CDK11A: variants seen among roughly 807,000 people sequenced by gnomAD.
The protein encoded by CDK11A is cyclin dependent kinase 11A.
In CDK11A, 55 loss-of-function variants were observed where a neutral mutation model predicts 83.6. The ratio of observed to expected loss-of-function variants is 0.66; its 90% CI spans 0.53 to 0.82. The LOEUF is 0.82. Among genes scored for constraint, CDK11A ranks in the 40% least tolerant of loss-of-function variants. The pLI, the probability that CDK11A is intolerant of heterozygous loss-of-function variation, is 0.00. For missense variants in CDK11A, 564 were observed against 810.1 expected, an observed-to-expected ratio of 0.70 and a Z score of 3.69; for synonymous variants, 247 against 302.7, an observed-to-expected ratio of 0.82 and a Z score of 1.91.
At chr1:1,718,512 G>A (rs563932083) in intron 4 of CDK11A, among the ~76,000 whole-genome samples, 1 of 149,176 alleles carries the variant, frequency 6.7e-6, no homozygotes, top group East Asian at 2.0e-4. Context: ...ATACACGCAC[G>A]CTTTCAGCTA....
At chr1:1,712,212 G>A in intron 6 of CDK11A, 52 bp downstream of exon 6, 1 of 1,411,776 alleles carries the variant, frequency 7.1e-7, no homozygotes, top group Non-Finnish European at 9.4e-7. Flanking sequence ...CCAGCACCAG[G>A]GGGCAGCAGA....
In CDK11A at chr1:1,715,582, C is replaced by G. The variant is rs1422740292; in HGVS notation, c.488+764G>C. On this transcript the variant is annotated intron_variant, in intron 5 of 19. Coordinates refer to ENST00000404249, the MANE Select transcript of CDK11A (RefSeq NM_024011.4). ...CTTGACCCCTGGGCCTCAGTGTCTC[C>G]CACACCCTTCGGCATCAACAAGAAC... 6.1e-5 allele frequency among the ~76,000 whole-genome samples: 9 copies of G among 148,754 alleles called. No individual in the cohort carries two copies. In the Admixed American group the frequency reaches 6.1e-4, roughly 10 times the overall value.
At chr1:1,718,594 T>C (rs61777470) in intron 4 of CDK11A, among the ~76,000 whole-genome samples, 118,740 of 147,738 alleles carry the variant, frequency 0.8, 50,301 homozygotes, top group Non-Finnish European at 0.93. Flanking sequence ...TCTATAGCCA[T>C]TCTGAACGGT....
At chr1:1,722,302 C>T (rs1644935502) in intron 2 of CDK11A, among the ~76,000 whole-genome samples, 1 of 150,536 alleles carries the variant, frequency 6.6e-6, no homozygotes, top group South Asian at 2.1e-4. Flanking sequence ...TTGCCAATGC[C>T]TCTTACCAAA....
chr1:1,717,726 T>G (rs1411945124), intron 4 of CDK11A, among the ~76,000 whole-genome samples: 1 of 137,558 alleles, frequency 7.3e-6, no homozygotes, highest in Admixed American at 7.7e-5. Context: ...TGGAGTATCC[T>G]CTCTATAGCC....
chr1:1,721,806 T>A lies in CDK11A; in HGVS notation c.112-95A>T, dbSNP rs185839325. On this transcript the variant is annotated intron_variant, in intron 2 of 19. Coordinates refer to ENST00000404249, the MANE Select transcript of CDK11A (RefSeq NM_024011.4). The stretch of plus-strand genomic sequence containing the variant: ...TAATGATAATCAAACCTGGGCAACA[T>A]CCCAAAACAAACTTTCACATGTACT... 1.8e-5 allele frequency: 26 copies of A among 1,407,204 alleles called. 1 individual carries two copies. The Admixed American group carries it at 4.5e-4, about 25-fold the overall frequency. 87.2% of individuals were successfully genotyped at this position (1,407,204 alleles called of 1,614,324 possible). A position where few individuals can be genotyped will look rare whatever the true frequency, so the allele number is the denominator to read the frequency against.
intron 17 of CDK11A, 88 bp from the exon 18 acceptor site, chr1:1,703,712 G>A: frequency 6.5e-7 from 1 of 1,538,222 alleles, no homozygotes; most frequent in Middle Eastern, 1.7e-4. Context: ...GCCACCAGGA[G>A]GGCTCTCAGT....
chr1:1,704,692 A>G (rs1475544051), intron 13 of CDK11A, 37 bp from the exon 14 acceptor site: 3 of 1,595,526 alleles, frequency 1.9e-6, no homozygotes, highest in Non-Finnish European at 2.6e-6. Context: ...GGGCACCTCC[A>G]GGCCCCCACC....
intron 6 of CDK11A, among the ~76,000 whole-genome samples, chr1:1,710,764 A>G (rs1269953445): frequency 6.9e-6 from 1 of 145,202 alleles, no homozygotes; most frequent in Non-Finnish European, 1.5e-5. Flanking sequence ...CGTGAACACG[A>G]CGGAAATATC....
intron 11 of CDK11A, among the ~76,000 whole-genome samples, chr1:1,706,972 G>A (rs1384650303): frequency 7.0e-6 from 1 of 142,240 alleles, no homozygotes; most frequent in East Asian, 2.0e-4. Flanking sequence ...TGAGCAAAAG[G>A]CTTCTGGTCA....
At chr1:1,707,870 G>A (rs1467996557) in intron 10 of CDK11A, among the ~76,000 whole-genome samples, 4 of 136,958 alleles carry the variant, frequency 2.9e-5, no homozygotes, top group Admixed American at 1.4e-4. Flanking sequence ...ACTGCCTGTC[G>A]GAGGCTGGGC....
intron 11 of CDK11A, among the ~76,000 whole-genome samples, chr1:1,706,419 T>C (rs1644313064): frequency 6.6e-6 from 1 of 151,316 alleles, no homozygotes; most frequent in South Asian, 2.1e-4. Context: ...CATGGTGGCT[T>C]GCGCCTGTAG....
chr1:1,719,871 T>G (rs1282213844), intron 3 of CDK11A, among the ~76,000 whole-genome samples: 1 of 150,742 alleles, frequency 6.6e-6, no homozygotes, highest in Non-Finnish European at 1.5e-5. Context: ...TGCCTCGGCT[T>G]CCCAAAGTGC....
chr1:1,707,717 C>T, intron 10 of CDK11A, 133 bp from the exon 11 acceptor site: 1 of 896,120 alleles, frequency 1.1e-6, no homozygotes. Flanking sequence ...GGGCTCTCGT[C>T]CCCTGGACAC....
At position 1,716,209 on chromosome 1, in the gene CDK11A, G is replaced by A; in HGVS notation, c.488+137C>T. The A allele has an allele frequency of 1.5e-5, 11 of 726,792 alleles. 1 individual carries two copies. The highest frequency in any genetic ancestry group is 2.3e-5 in the Non-Finnish European group (11 of 474,278). The allele number at this position is 726,792 out of a possible 1,614,324, so 45.0% of individuals were successfully genotyped here. On this transcript the variant is annotated intron_variant, in intron 5 of 19. Coordinates refer to ENST00000404249, the MANE Select transcript of CDK11A (RefSeq NM_024011.4). ...CAGTTCTCTTGGTCAGCCTCGTCCA[G>A]CGTTCACTGTGCTGTTTCCATGTCT...
chr1:1,718,119 G>A (rs1422400645), intron 4 of CDK11A, among the ~76,000 whole-genome samples: 3 of 144,380 alleles, frequency 2.1e-5, no homozygotes, highest in African/African-American at 5.2e-5. Flanking sequence ...TCTGGTTTTC[G>A]GTCTGTGACA....
intron 5 of CDK11A, among the ~76,000 whole-genome samples, chr1:1,713,557 C>A (rs1172520446): frequency 9.3e-6 from 1 of 107,900 alleles, no homozygotes; most frequent in Non-Finnish European, 2.2e-5. Flanking sequence ...TCACCATATG[C>A]CTCATGATAC....
chr1:1,708,597 T>A lies in CDK11A; in HGVS notation c.1003+197A>T, dbSNP rs1259382520. On this transcript the variant is annotated intron_variant, in intron 9 of 19. Coordinates refer to ENST00000404249, the MANE Select transcript of CDK11A (RefSeq NM_024011.4). ...CAGAGGTTGCAGTGAGCCGAGATCA[T>A]GCCACTGCACTCCAGCCTGGGCAAC... Among the ~76,000 whole-genome samples, 3 of 133,770 alleles carry A rather than the reference T, an allele frequency of 2.2e-5. 1 individual carries two copies. Among genetic ancestry groups the A allele is most frequent in the Non-Finnish European group, 5.0e-5 (3 of 60,088 alleles). The allele number at this position is 133,770 out of a possible 152,430, so 87.8% of individuals were successfully genotyped here. A position where few individuals can be genotyped will look rare whatever the true frequency, so the allele number is the denominator to read the frequency against.
rs1164936993 is a variant in CDK11A at position 1,723,235 on chromosome 1, TAAAAAAAA to T, written c.-13-412_-13-405del. On this transcript the variant is annotated intron_variant, in intron 1 of 19. Transcript: ENST00000404249. The stretch of plus-strand genomic sequence containing the variant: ...CCTAGATAACAAAGTAAGACTTGGT[TAAAAAAAA>T]AAAAAAAAAAAGGTAAGCTCTAGGC... Among the ~76,000 whole-genome samples the T allele has an allele frequency of 1.4e-4, 7 of 49,326 alleles. 3 individuals carry two copies. The highest frequency in any genetic ancestry group is 5.1e-4 in the Admixed American group (2 of 3,898). The allele number at this position is 49,326 out of a possible 152,430, so 32.4% of individuals were successfully genotyped here. A position where few individuals can be genotyped will look rare whatever the true frequency, so the allele number is the denominator to read the frequency against.
Sources: gnomAD v4.1 joint callset for allele counts (sites outside exome capture counted in the v4.1 genomes callset) on GRCh38, gnomAD v4.1.1 for gene constraint, MANE v1.5 for transcripts, NCBI Gene and HGNC (gene_info 2026-07-23, HGNC 2026-07-21) for gene names.